Variants in FBN3 observed in about 807,000 individuals in gnomAD.
FBN3 encodes fibrillin-3.
FBN3 carries 234 observed loss-of-function variants against 330.1 expected under a neutral mutation model. The ratio of observed to expected loss-of-function variants is 0.71; its 90% CI spans 0.64 to 0.79. The LOEUF is 0.79. Among genes scored for constraint, FBN3 ranks in the 30% least tolerant of loss-of-function variants. The pLI is 0.00. For synonymous variants in FBN3, 1,458 were observed against 1,517.3 expected (o/e 0.96, Z 0.91); for missense variants, 3,606 against 3,886.9 (o/e 0.93, Z 1.92).
At chr19:8,144,637 C>T (rs2083491298) in intron 6 of FBN3, among the ~76,000 whole-genome samples, 1 of 151,874 alleles carries the variant, frequency 6.6e-6, no homozygotes, top group Admixed American at 6.6e-5. Flanking sequence ...GCCCCTCAGA[C>T]TGGCACATCC....
In FBN3 at chr19:8,123,564, A is replaced by C. The variant is rs372457896; in HGVS notation, c.2982T>G (p.Pro994=). The C allele has an allele frequency of 2.3e-5, 37 of 1,614,112 alleles. No homozygotes were observed. The highest frequency in any genetic ancestry group is 1.6e-4 in the East Asian group (7 of 44,892). The change falls in exon 24 of 64, where the codon CCT becomes CCG. Residue 994 remains proline, a synonymous_variant. Transcript: ENST00000600128. ...TGCAGGTACCGTGCGTGCAGAGGCC[A>C]GGGAACACCTTGCATTCATTCACAT... is the stretch of plus-strand genomic sequence containing the variant. ...YKDVNECKVF[P]GLCTHGTCRN...
chr19:8,080,966 A>C (rs757508206), intron 59 of FBN3, 37 bp downstream of exon 59: 1 of 1,438,344 alleles, frequency 7.0e-7, no homozygotes, highest in Non-Finnish European at 9.7e-7. Flanking sequence ...TGCTGGGGTC[A>C]TGGGTCACCT....
intron 30 of FBN3, among the ~76,000 whole-genome samples, chr19:8,112,656 A>C (rs2082617403): frequency 6.6e-6 from 1 of 152,190 alleles, no homozygotes; most frequent in Non-Finnish European, 1.5e-5. Context: ...TCTCAAAAAA[A>C]TAAATAAATA....
chr19:8,133,187 A>AC (rs2083191831), intron 13 of FBN3, 81 bp from the exon 14 acceptor site: 4 of 1,456,192 alleles, frequency 2.7e-6, no homozygotes, highest in East Asian at 2.6e-5. Flanking sequence ...TCCAGGGCTG[A>AC]CCCCCCAGGA....
chr19:8,085,356 C>CA lies in FBN3; in HGVS notation c.7087+6dup. On this transcript the variant is annotated splice_region_variant and intron_variant, in intron 56 of 63. Coordinates refer to ENST00000600128, the MANE Select transcript of FBN3 (RefSeq NM_032447.5). ...TCCCTGGGGGTCCTGAGGGCATGGG[C>CA]ACCCACCTCGGCCCTCAGCAGTGTA... 7 of 1,563,618 alleles carry CA rather than the reference C, an allele frequency of 4.5e-6. No homozygotes were observed. Among genetic ancestry groups the CA allele is most frequent in the Non-Finnish European group, 6.0e-6 (7 of 1,158,102 alleles).
chr19:8,139,070 C>T (rs1205189639), intron 8 of FBN3, among the ~76,000 whole-genome samples: 3 of 151,124 alleles, frequency 2.0e-5, no homozygotes, highest in South Asian at 2.1e-4. Context: ...AATAAAGGGC[C>T]GGGCGCAGTG....
intron 8 of FBN3, among the ~76,000 whole-genome samples, chr19:8,139,469 C>T (rs56227017): frequency 0.011 from 1,616 of 152,268 alleles, 25 homozygotes; most frequent in African/African-American, 0.037. Flanking sequence ...TCGCTGCAGG[C>T]ATCCAACCAC....
chr19:8,073,048 A>G lies in FBN3; in HGVS notation c.7937+15T>C, dbSNP rs1009194263. On this transcript the variant is annotated intron_variant, in intron 62 of 63. Transcript: ENST00000600128. ...GCGGGGCATGGAGTCTGCTTGCCCCACTCCAGCCTCTCACCCTTGCCCAGC... is the reference window on the plus strand; with the variant it reads ...GCGGGGCATGGAGTCTGCTTGCCCCGCTCCAGCCTCTCACCCTTGCCCAGC... 3 of 1,579,336 alleles carry G rather than the reference A, an allele frequency of 1.9e-6. No individual in the cohort carries two copies. The African/African-American group carries it at 4.1e-5, about 22-fold the overall frequency.
intron 61 of FBN3, 167 bp downstream of exon 61, chr19:8,074,904 C>T: frequency 8.6e-6 from 7 of 817,310 alleles, no homozygotes; most frequent in Non-Finnish European, 1.3e-5. Flanking sequence ...TATTCTGCTG[C>T]ACCTTGACTC....
chr19:8,132,649 A>G (rs989342074), intron 14 of FBN3, among the ~76,000 whole-genome samples: 7 of 151,288 alleles, frequency 4.6e-5, no homozygotes, highest in African/African-American at 1.7e-4. Flanking sequence ...CCACCACCAT[A>G]CCTGGCTAAT....
intron 45 of FBN3, 120 bp from the exon 46 acceptor site, chr19:8,095,623 T>G: frequency 4.0e-6 from 4 of 999,266 alleles, no homozygotes; most frequent in Non-Finnish European, 5.9e-6. Context: ...TGAGCACTCA[T>G]GTATAGACTA....
In FBN3 at chr19:8,088,136, T is replaced by A; in HGVS notation, c.6420A>T (p.Thr2140=). The change falls in exon 52 of 64, where the codon ACA becomes ACT. Residue 2140 remains threonine (T), a synonymous_variant. Transcript: ENST00000600128. ...CGAAGCCTCCGATGACATTGGTGCA[T>A]GTCCCTTGCCCACAGGGGTGGCCGA... The part of the protein sequence containing the change: ...CSVGHPCGQG[T]CTNVIGGFEC... 3.1e-6 allele frequency: 5 copies of A among 1,613,512 alleles called. No homozygotes were observed. The highest frequency in any genetic ancestry group is 4.2e-6 in the Non-Finnish European group (5 of 1,179,736).
intron 29 of FBN3, 77 bp from the exon 30 acceptor site, chr19:8,115,717 G>T: frequency 6.6e-7 from 1 of 1,520,544 alleles, no homozygotes; most frequent in Non-Finnish European, 9.1e-7. Context: ...GGGTGGGAGG[G>T]AGATCACCAG....
intron 56 of FBN3, among the ~76,000 whole-genome samples, chr19:8,084,623 G>A (rs1297320475): frequency 6.6e-6 from 1 of 152,042 alleles, no homozygotes; most frequent in Non-Finnish European, 1.5e-5. Context: ...GTTTCTCTCT[G>A]TTGCCCAGGC....
chr19:8,099,332 G>C (rs1948090883), intron 41 of FBN3, among the ~76,000 whole-genome samples: 1 of 140,380 alleles, frequency 7.1e-6, no homozygotes, highest in African/African-American at 2.6e-5. Context: ...CCAGGCTAGA[G>C]TACAGTGGCA....
At chr19:8,118,743 A>G (rs906792110) in intron 26 of FBN3, among the ~76,000 whole-genome samples, 154 bp downstream of exon 26, 1 of 152,156 alleles carries the variant, frequency 6.6e-6, no homozygotes, top group African/African-American at 2.4e-5. Flanking sequence ...ACAGATACAC[A>G]CACACACTTG....
At position 8,085,400 on chromosome 19, in the gene FBN3, C is replaced by T. The variant is rs2081917399; in HGVS notation, c.7050G>A (p.Leu2350=). Residue 2350 remains leucine, a synonymous_variant, in exon 56 of 64, where the codon CTG becomes CTA. Transcript: ENST00000600128. ...CAGTGTAGCCTGAGCCATGGGGGCA[C>T]AGCTTCCTGTAGGCAGAGGTGCCGG... The part of the protein sequence containing the change: ...PLPGTSAYRK[L]CPHGSGYTAE... 1 of 1,579,664 alleles carries T rather than the reference C, an allele frequency of 6.3e-7. No homozygotes were observed. Among genetic ancestry groups the T allele is most frequent in the Non-Finnish European group, 8.6e-7 (1 of 1,165,528 alleles).
Position 8,131,498 on chromosome 19 carries a change from C to A in FBN3, c.1990+56G>T. 1 of 1,555,754 alleles carries A rather than the reference C, an allele frequency of 6.4e-7. No individual in the cohort carries two copies. ...CATGACCCCCCACCAGAAGCGAGAA[C>A]CGATGGAGGCATTCAGACCAAGGAG... On this transcript the variant is annotated intron_variant, in intron 15 of 63. Transcript: ENST00000600128. The surrounding 1 kb of genome is among the most constrained non-coding windows in gnomAD (Gnocchi z 4.5).
At chr19:8,122,420 G>C (rs965475228) in intron 24 of FBN3, among the ~76,000 whole-genome samples, 4 of 152,176 alleles carry the variant, frequency 2.6e-5, no homozygotes, top group African/African-American at 9.7e-5. Flanking sequence ...AGGCTGGAGT[G>C]CAATGGCACA....
Sources: allele counts gnomAD v4.1 joint callset (sites outside exome capture counted in the v4.1 genomes callset), GRCh38; gene constraint gnomAD v4.1.1; non-coding constraint Gnocchi (gnomAD v3.1); transcripts MANE v1.5; gene names NCBI Gene and HGNC (gene_info 2026-07-23, HGNC 2026-07-21).